The following HYAL4 variants were observed in gnomAD, a reference collection of about 807,000 sequenced individuals.
HYAL4 encodes the protein hyaluronidase-4.
Under a neutral mutation model 35.2 loss-of-function variants are expected in HYAL4, and 37 were observed. The ratio of observed to expected loss-of-function variants is 1.05; its 90% confidence interval spans 0.81 to 1.38. The LOEUF (loss-of-function observed/expected upper bound fraction) is 1.38, where lower values mean the gene tolerates loss of function less well. Ranked by LOEUF, HYAL4 falls within the 40% of genes most tolerant of loss-of-function variation. The pLI, the probability that HYAL4 is intolerant of heterozygous loss-of-function variation, is 0.00. For synonymous variants in HYAL4, 198 were observed against 203.2 expected, an observed-to-expected ratio of 0.97 and a Z score of 0.22; for missense variants, 572 against 572.4, an observed-to-expected ratio of 1.00 and a Z score of 0.01.
upstream of HYAL4, among the ~76,000 whole-genome samples, chr7:123,826,891 G>T (rs1805808174): frequency 6.6e-6 from 1 of 152,118 alleles, no homozygotes; most frequent in African/African-American, 2.4e-5. Flanking sequence ...AGGGGAAAAA[G>T]GAGTGATGAA....
the HYAL4 span, among the ~76,000 whole-genome samples, chr7:123,797,320 A>G: frequency 2.0e-5 from 3 of 152,340 alleles, no homozygotes; most frequent in East Asian, 5.8e-4. Context: ...AGAAAAAGCT[A>G]TAATAAAGTG....
chr7:123,813,392 G>A, the HYAL4 span, among the ~76,000 whole-genome samples: 1 of 152,118 alleles, frequency 6.6e-6, no homozygotes. Flanking sequence ...GGGGCCTAAA[G>A]AGACAAGTTT....
At chr7:123,857,685 C>G (rs201277490) in intron 2 of HYAL4, among the ~76,000 whole-genome samples, 19,327 of 139,018 alleles carry the variant, frequency 0.14, 1,459 homozygotes, top group South Asian at 0.19. Context: ...TTCTTTCTTT[C>G]TTTCTTTCTT....
the HYAL4 span, among the ~76,000 whole-genome samples, chr7:123,790,093 T>A: frequency 6.6e-6 from 1 of 152,176 alleles, no homozygotes; most frequent in Non-Finnish European, 1.5e-5. Flanking sequence ...GAAACCTCAG[T>A]CTTTTCTCTT....
the HYAL4 span, among the ~76,000 whole-genome samples, chr7:123,779,053 A>G: frequency 6.6e-6 from 1 of 152,206 alleles, no homozygotes; most frequent in Admixed American, 6.5e-5. Flanking sequence ...ATATATTTAC[A>G]TACAAATATG....
the HYAL4 span, among the ~76,000 whole-genome samples, chr7:123,813,616 A>G: frequency 1.3e-5 from 2 of 152,216 alleles, no homozygotes; most frequent in Non-Finnish European, 2.9e-5. Context: ...TTAAAAATAA[A>G]CATTTGAAGC....
At chr7:123,862,148 A>G (rs777605368) in intron 2 of HYAL4, among the ~76,000 whole-genome samples, 9 of 152,194 alleles carry the variant, frequency 5.9e-5, no homozygotes, top group Non-Finnish European at 1.3e-4. Context: ...AATTGAGCAC[A>G]TAGCTTTGAA....
intron 2 of HYAL4, among the ~76,000 whole-genome samples, chr7:123,857,862 G>A (rs1318249823): frequency 6.6e-6 from 1 of 152,022 alleles, no homozygotes; most frequent in Non-Finnish European, 1.5e-5. Context: ...TCCAGAAGGT[G>A]TACTTGAAGT....
chr7:123,877,128 A>C lies in HYAL4; in HGVS notation c.1419A>C (p.Leu473Phe). Reference protein sequence around the residue: ...GSLMTLCLLLLASYRSIQL With the variant: ...GSLMTLCLLLFASYRSIQL ...TAATGACACTTTGTCTACTGCTTTT[A>C]GCAAGTTATCGAAGCATTCAGTTGT... The change falls in exon 5 of 5, where the codon TTA becomes TTC. Residue 473 changes from leucine (L) to phenylalanine (F), a missense_variant. Coordinates refer to ENST00000223026, the MANE Select transcript of HYAL4 (RefSeq NM_012269.3). 10 of 1,614,042 alleles carry C rather than the reference A, an allele frequency of 6.2e-6. No homozygotes were observed. Among genetic ancestry groups the C allele is most frequent in the Non-Finnish European group, 8.5e-6 (10 of 1,179,912 alleles).
chr7:123,797,045 GA>G, the HYAL4 span, among the ~76,000 whole-genome samples: 1 of 152,216 alleles, frequency 6.6e-6, no homozygotes, highest in Non-Finnish European at 1.5e-5. Flanking sequence ...CTTGATCACA[GA>G]AGCCTACTGA....
intron 2 of HYAL4, among the ~76,000 whole-genome samples, chr7:123,857,497 C>T (rs747877731): frequency 1.3e-4 from 19 of 151,926 alleles, no homozygotes; most frequent in Non-Finnish European, 1.5e-4. Context: ...TCTGCTTGCC[C>T]TCCATGGGTT....
the HYAL4 span, among the ~76,000 whole-genome samples, chr7:123,779,874 C>T: frequency 5.9e-5 from 9 of 152,094 alleles, no homozygotes; most frequent in African/African-American, 1.9e-4. Flanking sequence ...TTTATTTGGT[C>T]TTTTGAAACA....
At position 123,868,312 on chromosome 7, in the gene HYAL4, T is replaced by A. The variant is rs556397427; in HGVS notation, c.39T>A (p.Val13=). The A allele has an allele frequency of 6.3e-7, 1 of 1,578,712 alleles. No homozygotes were observed. Among genetic ancestry groups the A allele is most frequent in the Admixed American group, 2.0e-5 (1 of 49,206 alleles). Residue 13 remains valine, a synonymous_variant, in exon 3 of 5, where the codon GTT becomes GTA. Transcript: ENST00000223026. The part of the protein sequence containing the change: ...VLSEGQLKLC[V]VQPVHLTSWL... Reference sequence around the variant, plus strand: ...CTGAAGGACAGTTAAAGCTTTGTGTTGTTCAACCAGTACATCTCACTTCAT... The same window carrying A: ...CTGAAGGACAGTTAAAGCTTTGTGTAGTTCAACCAGTACATCTCACTTCAT...
chr7:123,845,810 G>A (rs1806162286), intron 1 of HYAL4, 125 bp downstream of exon 1: 1 of 152,216 alleles, frequency 6.6e-6, no homozygotes, highest in Non-Finnish European at 1.5e-5. Context: ...AGGGCTCAAG[G>A]CTGCTATTCA....
chr7:123,764,725 G>A, the HYAL4 span, among the ~76,000 whole-genome samples: 2 of 152,138 alleles, frequency 1.3e-5, no homozygotes, highest in Non-Finnish European at 2.9e-5. Context: ...TTTAATCATG[G>A]CTGAAACTTC....
chr7:123,866,079 A>G (rs1806680677), intron 2 of HYAL4, among the ~76,000 whole-genome samples: 1 of 152,162 alleles, frequency 6.6e-6, no homozygotes, highest in Admixed American at 6.5e-5. Context: ...CTCCTATGAC[A>G]GGGAGAATAG....
chr7:123,804,914 C>T, the HYAL4 span, among the ~76,000 whole-genome samples: 1 of 152,174 alleles, frequency 6.6e-6, no homozygotes, highest in Non-Finnish European at 1.5e-5. Flanking sequence ...ACAATGATTT[C>T]ACAGGTTATA....
At chr7:123,821,460 A>T in the HYAL4 span, among the ~76,000 whole-genome samples, 5 of 152,136 alleles carry the variant, frequency 3.3e-5, no homozygotes, top group Non-Finnish European at 7.4e-5. Flanking sequence ...CTTTGGAGAA[A>T]TGTTTGTTCA....
chr7:123,770,466 G>T, the HYAL4 span, among the ~76,000 whole-genome samples: 1 of 143,364 alleles, frequency 7.0e-6, no homozygotes, highest in Non-Finnish European at 1.6e-5. Context: ...AAATCCTGCC[G>T]TGGAAGTTCC....
Sources: allele counts gnomAD v4.1 joint callset (sites outside exome capture counted in the v4.1 genomes callset), GRCh38; gene constraint gnomAD v4.1.1; transcripts MANE v1.5; gene names NCBI Gene and HGNC (gene_info 2026-07-23, HGNC 2026-07-21).